Variants in INPP5A observed in about 807,000 individuals in gnomAD.
The protein encoded by INPP5A is inositol polyphosphate-5-phosphatase A.
INPP5A carries 14 observed loss-of-function variants against 65.2 expected under a neutral mutation model. That is an observed-to-expected ratio of 0.21 (90% CI 0.14 to 0.34). INPP5A has a LOEUF of 0.34. INPP5A is among the 10% of genes least tolerant of loss of function. The pLI, the probability that INPP5A is intolerant of heterozygous loss-of-function variation, is 1.00. For synonymous variants in INPP5A, 207 were observed against 208.3 expected (o/e 0.99, Z 0.05); for missense variants, 431 against 545.6 (o/e 0.79, Z 2.09).
At position 132,780,896 on chromosome 10, in the gene INPP5A, C is replaced by G. The variant is rs773857518; in HGVS notation, c.1137C>G (p.Asn379Lys). ...KVVTYDHIGP[N>K]VCMGDHKPVF... ...TCACCTATGACCACATTGGGCCCAA[C>G]GTCTGCATGGGAGACCACAAGGTGA... is the stretch of plus-strand genomic sequence containing the variant. Residue 379 changes from asparagine (N) to lysine (K), a missense_variant, in exon 14 of 16, where the codon AAC becomes AAG. Coordinates refer to ENST00000368594, the MANE Select transcript of INPP5A (RefSeq NM_005539.5). 6.3e-7 allele frequency: 1 copy of G among 1,590,312 alleles called. No homozygotes were observed. The highest frequency in any genetic ancestry group is 1.4e-5 in the African/African-American group (1 of 73,764).
In INPP5A at chr10:132,582,095, T is replaced by C. The variant is rs528725231; in HGVS notation, c.76-25820T>C. On this transcript the variant is annotated intron_variant, in intron 1 of 15. Coordinates refer to ENST00000368594, the MANE Select transcript of INPP5A (RefSeq NM_005539.5). ...ACCTCATGATCTGCCCGTCTCGGCC[T>C]CCCAAAGTGATGAGATTACAGGTAT... Among the ~76,000 whole-genome samples, 12 of 152,238 alleles carry C rather than the reference T, an allele frequency of 7.9e-5. No individual in the cohort carries two copies. The South Asian group carries it at 1.0e-3, about 13-fold the overall frequency.
In INPP5A at chr10:132,718,775, G is replaced by C. The variant is rs540793817; in HGVS notation, c.648-8046G>C. 1.5e-4 allele frequency among the ~76,000 whole-genome samples: 22 copies of C among 149,512 alleles called. No individual in the cohort carries two copies. In the South Asian group the frequency reaches 3.9e-3, roughly 26 times the overall value. On this transcript the variant is annotated intron_variant, in intron 8 of 15. Transcript: ENST00000368594. ...CTTAGACGACTGTCTTCAGGGTTCT[G>C]TGGTACCTCGGTTCTGTCTGGGCAC... is the stretch of plus-strand genomic sequence containing the variant.
intron 2 of INPP5A, among the ~76,000 whole-genome samples, chr10:132,619,912 G>C (rs565292507): frequency 1.3e-5 from 2 of 152,338 alleles, no homozygotes; most frequent in South Asian, 4.1e-4. Flanking sequence ...ACCCACCTCA[G>C]GTGCTGGGAT....
rs1845501314 is a variant in INPP5A, at chr10:132,704,521, CGCCGGCAA to C, written c.475-3791_475-3784del. Among the ~76,000 whole-genome samples the C allele has an allele frequency of 6.6e-6, 1 of 152,226 alleles. No homozygotes were observed. The highest frequency in any genetic ancestry group is 2.4e-5 in the African/African-American group (1 of 41,450). On this transcript the variant is annotated intron_variant, in intron 6 of 15. Coordinates refer to ENST00000368594, the MANE Select transcript of INPP5A (RefSeq NM_005539.5). The surrounding 1 kb of genome is among the most constrained non-coding windows in gnomAD (Gnocchi z 4.5). ...GTGCGCAGAGCCACCCCTCGCAGCC[CGCCGGCAA>C]CATGGGCTCTGTCCTCCCCTCCTTG...
At position 132,561,733 on chromosome 10, in the gene INPP5A, C is replaced by T. The variant is rs1020762657; in HGVS notation, c.75+23562C>T. Among the ~76,000 whole-genome samples, 30 of 151,172 alleles carry T rather than the reference C, an allele frequency of 2.0e-4. 2 individuals carry two copies. The highest frequency in any genetic ancestry group is 1.7e-3 in the South Asian group (8 of 4,764). On this transcript the variant is annotated intron_variant, in intron 1 of 15. Transcript: ENST00000368594. ...TAGTTTGTCAATTTCCACACACACACACACACACACACACACACACACACA... is the reference window on the plus strand; with the variant it reads ...TAGTTTGTCAATTTCCACACACACATACACACACACACACACACACACACA...
intron 8 of INPP5A, among the ~76,000 whole-genome samples, chr10:132,714,561 C>T (rs910052848): frequency 2.0e-5 from 3 of 152,174 alleles, no homozygotes; most frequent in African/African-American, 7.2e-5. Context: ...CTTCCCAGGT[C>T]CATGTCCCGT....
In INPP5A at chr10:132,658,826, G is replaced by A. The variant is rs116839565; in HGVS notation, c.306+8321G>A. Among the ~76,000 whole-genome samples the A allele has an allele frequency of 2.1e-3, 325 of 152,120 alleles. 1 individual carries two copies. The highest frequency in any genetic ancestry group is 7.4e-3 in the African/African-American group (307 of 41,502). On this transcript the variant is annotated intron_variant, in intron 4 of 15. Transcript: ENST00000368594. ...TGAGACCGCCAAAGCCACCAAGACC[G>A]CCGAGACTGCCAAGACCACCAAGGC...
In INPP5A at chr10:132,690,470, C is replaced by T. The variant is rs1163853354; in HGVS notation, c.370+15C>T. On this transcript the variant is annotated intron_variant, in intron 5 of 15. Coordinates refer to ENST00000368594, the MANE Select transcript of INPP5A (RefSeq NM_005539.5). ...TGACTTTAAAGGTAAGACTGCGTGC[C>T]GTCTTCCGGGATTTTGTCTCGGCAC... 9 of 1,596,932 alleles carry T rather than the reference C, an allele frequency of 5.6e-6. No individual in the cohort carries two copies. The East Asian group carries it at 1.3e-4, about 24-fold the overall frequency.
intron 1 of INPP5A, among the ~76,000 whole-genome samples, chr10:132,552,828 G>C (rs1275805762): frequency 6.8e-6 from 1 of 146,160 alleles, no homozygotes; most frequent in African/African-American, 2.6e-5. Context: ...TCAGAGCCTT[G>C]GTGGCATATT....
chr10:132,678,197 C>T lies in INPP5A; in HGVS notation c.307-12195C>T, dbSNP rs1014358372. ...CTGAGAGCGGACGGTCACAGCCCCCCGTATGCTGCCTGGGGGTGGCACTGG... is the reference window on the plus strand; with the variant it reads ...CTGAGAGCGGACGGTCACAGCCCCCTGTATGCTGCCTGGGGGTGGCACTGG... On this transcript the variant is annotated intron_variant, in intron 4 of 15. Coordinates refer to ENST00000368594, the MANE Select transcript of INPP5A (RefSeq NM_005539.5). This position sits in a 1 kb window ranked among gnomAD's most constrained non-coding sequence, Gnocchi z 4.1. Among the ~76,000 whole-genome samples the T allele has an allele frequency of 5.3e-5, 8 of 152,290 alleles. No individual in the cohort carries two copies. Among genetic ancestry groups the T allele is most frequent in the East Asian group, 1.9e-4 (1 of 5,166 alleles).
At chr10:132,641,536 C>A (rs779843663) in intron 2 of INPP5A, among the ~76,000 whole-genome samples, 1 of 152,232 alleles carries the variant, frequency 6.6e-6, no homozygotes, top group Non-Finnish European at 1.5e-5. Context: ...GACCCCGTGC[C>A]AGAGGGCGAT....
At chr10:132,661,665 T>C (rs2072738721) in intron 4 of INPP5A, among the ~76,000 whole-genome samples, 1 of 152,234 alleles carries the variant, frequency 6.6e-6, no homozygotes, top group Admixed American at 6.5e-5. Context: ...GACTTTTTTT[T>C]TTGGTAGAAA....
At chr10:132,777,938 C>T (rs1847092797) in intron 13 of INPP5A, 156 bp downstream of exon 13, 2 of 1,463,408 alleles carry the variant, frequency 1.4e-6, no homozygotes, top group Non-Finnish European at 1.8e-6. Flanking sequence ...TGAGCTGCAC[C>T]CCAGCATTGG....
chr10:132,721,274 C>G (rs1246067989), intron 8 of INPP5A, among the ~76,000 whole-genome samples: 6 of 150,312 alleles, frequency 4.0e-5, no homozygotes, highest in Non-Finnish European at 7.4e-5. Flanking sequence ...AGATAGCTGT[C>G]TTGCGGGTTC....
At chr10:132,622,120 TA>T (rs2072118192) in intron 2 of INPP5A, among the ~76,000 whole-genome samples, 1 of 152,236 alleles carries the variant, frequency 6.6e-6, no homozygotes, top group Non-Finnish European at 1.5e-5. Flanking sequence ...ATTGGAGACT[TA>T]AAAAATATTT....
intron 4 of INPP5A, among the ~76,000 whole-genome samples, chr10:132,689,764 G>C (rs2134482614): frequency 6.6e-6 from 1 of 152,392 alleles, no homozygotes; most frequent in Non-Finnish European, 1.5e-5. Context: ...ACCCAGCCCT[G>C]TGGCGTCCAG....
chr10:132,572,823 C>T (rs1188086523), intron 1 of INPP5A, among the ~76,000 whole-genome samples: 2 of 152,202 alleles, frequency 1.3e-5, no homozygotes, highest in African/African-American at 4.8e-5. Context: ...GGAGTGTTTC[C>T]CTTGCTCTGC....
chr10:132,696,971 T>C (rs529029535), intron 5 of INPP5A, among the ~76,000 whole-genome samples: 1 of 152,376 alleles, frequency 6.6e-6, no homozygotes, highest in East Asian at 1.9e-4. Flanking sequence ...CCTGCCATAG[T>C]GGGGTGGATA....
intron 1 of INPP5A, among the ~76,000 whole-genome samples, chr10:132,554,331 G>C (rs1410193244): frequency 6.6e-6 from 1 of 152,174 alleles, no homozygotes; most frequent in East Asian, 1.9e-4. Context: ...TTGTCCAGTG[G>C]CTGGAGGGTG....
Sources: gnomAD v4.1 joint callset for allele counts (sites outside exome capture counted in the v4.1 genomes callset) on GRCh38, gnomAD v4.1.1 for gene constraint, Gnocchi (gnomAD v3.1) non-coding constraint, MANE v1.5 for transcripts, NCBI Gene and HGNC (gene_info 2026-07-23, HGNC 2026-07-21) for gene names.